Variants in FAM114A2 observed in about 807,000 individuals in gnomAD.
The protein encoded by FAM114A2 is family with sequence similarity 114 member A2, also known as protein FAM114A2.
A neutral mutation model predicts 58.4 loss-of-function variants in FAM114A2; 53 were observed. The observed-to-expected ratio is 0.91, with a 90% CI of 0.73 to 1.14. The LOEUF is 1.14. Ranked by LOEUF, FAM114A2 falls within the 50% of genes most tolerant of loss-of-function variation. The probability of loss-of-function intolerance (pLI) is 0.00; values close to 1 mark genes in which losing one functional copy is unlikely to be tolerated. For missense variants in FAM114A2, 601 were observed against 581.1 expected (o/e 1.03, Z -0.35); for synonymous variants, 228 against 211.4 (o/e 1.08, Z -0.68).
chr5:154,032,992 G>T (rs924129066), intron 4 of FAM114A2, among the ~76,000 whole-genome samples: 1 of 152,186 alleles, frequency 6.6e-6, no homozygotes, highest in African/African-American at 2.4e-5. Context: ...GTCCTTTGCA[G>T]CCATGTTTAT....
chr5:154,027,874 AAAACAAACAAAC>A (rs879922874), intron 6 of FAM114A2, among the ~76,000 whole-genome samples: 2 of 152,112 alleles, frequency 1.3e-5, no homozygotes, highest in African/African-American at 4.8e-5. Flanking sequence ...TTTAAACATT[AAAACAAACAAAC>A]AAACAAACAA....
Position 154,026,537 on chromosome 5 carries a change from G to T in FAM114A2, c.790-15C>A, listed in dbSNP as rs746404334. ...ATAGATTTCACCTGAATGGATACAA[G>T]AACAAAATGTTGTAGGAGTATGAAA... On this transcript the variant is annotated splice_polypyrimidine_tract_variant and intron_variant, in intron 7 of 13. Transcript: ENST00000351797. The T allele has an allele frequency of 6.9e-7, 1 of 1,447,042 alleles. No homozygotes were observed. The highest frequency in any genetic ancestry group is 9.1e-7 in the Non-Finnish European group (1 of 1,093,540). 89.6% of individuals were successfully genotyped at this position (1,447,042 alleles called of 1,614,324 possible).
chr5:154,015,248 T>C (rs921238205), intron 8 of FAM114A2, among the ~76,000 whole-genome samples: 1 of 152,156 alleles, frequency 6.6e-6, no homozygotes, highest in Admixed American at 6.5e-5. Flanking sequence ...CCCTGCTCAC[T>C]GCCTGTTCCT....
chr5:154,022,425 A>G (rs1771482768), intron 8 of FAM114A2, among the ~76,000 whole-genome samples: 1 of 152,228 alleles, frequency 6.6e-6, no homozygotes, highest in African/African-American at 2.4e-5. Context: ...CAAAGAACTT[A>G]AACAAATTTA....
intron 13 of FAM114A2, 68 bp from the exon 14 acceptor site, chr5:153,993,178 CAACAGGGG>C: frequency 7.5e-7 from 1 of 1,324,650 alleles, no homozygotes; most frequent in South Asian, 1.4e-5. Context: ...TACTGTAAGG[CAACAGGGG>C]AACAGATTAA....
chr5:154,031,658 G>A (rs1772212067), intron 4 of FAM114A2, among the ~76,000 whole-genome samples: 1 of 152,082 alleles, frequency 6.6e-6, no homozygotes, highest in African/African-American at 2.4e-5. Flanking sequence ...TCCACTGAGT[G>A]GTACTAGTTA....
At position 154,035,676 on chromosome 5, in the gene FAM114A2, A is replaced by T. The variant is rs549062419; in HGVS notation, c.-14-709T>A. Among the ~76,000 whole-genome samples the T allele has an allele frequency of 4.6e-5, 7 of 152,322 alleles. No individual in the cohort carries two copies. In the East Asian group the frequency reaches 1.2e-3, roughly 25 times the overall value. On this transcript the variant is annotated intron_variant, in intron 1 of 13. Coordinates refer to ENST00000351797, the MANE Select transcript of FAM114A2 (RefSeq NM_018691.4). ...ATGTATAGGTTTTTGGGGGAACATAAGCTATCATTTCTCTGGGGTAAATGA... is the reference window on the plus strand; with the variant it reads ...ATGTATAGGTTTTTGGGGGAACATATGCTATCATTTCTCTGGGGTAAATGA...
chr5:154,020,950 G>C (rs1236526396), intron 8 of FAM114A2, among the ~76,000 whole-genome samples: 1 of 152,118 alleles, frequency 6.6e-6, no homozygotes, highest in Non-Finnish European at 1.5e-5. Context: ...TATCCACCAA[G>C]ATCAAGTTGG....
chr5:154,034,886 T>C lies in FAM114A2; in HGVS notation c.68A>G (p.Asn23Ser). 1.2e-6 allele frequency: 2 copies of C among 1,614,046 alleles called. No homozygotes were observed. The highest frequency in any genetic ancestry group is 1.7e-6 in the Non-Finnish European group (2 of 1,179,910). Residue 23 changes from asparagine to serine, a missense_variant, in exon 2 of 14, where the codon AAC becomes AGC. Asn to Ser is a conservative substitution (Grantham distance 46). Transcript: ENST00000351797. The stretch of plus-strand genomic sequence containing the variant: ...CTCAGAATTCTTGGCTGGCTCACAG[T>C]TTCCATCTTCAAGGATGGGGGCTGC... ...TEAAPILEDG[N>S]CEPAKNSESV...
At chr5:154,028,412 G>T (rs1771952054) in intron 5 of FAM114A2, 129 bp from the exon 6 acceptor site, 2 of 635,068 alleles carry the variant, frequency 3.1e-6, no homozygotes, top group Non-Finnish European at 2.6e-6. Flanking sequence ...TAAAGCAAAT[G>T]AAACAATCAC....
At chr5:154,014,845 C>A (rs1405011146) in intron 8 of FAM114A2, among the ~76,000 whole-genome samples, 1 of 152,180 alleles carries the variant, frequency 6.6e-6, no homozygotes, top group Non-Finnish European at 1.5e-5. Context: ...GTGGACTCCA[C>A]AGGCAGGGGA....
At position 153,994,969 on chromosome 5, in the gene FAM114A2, T is replaced by G. The variant is rs1245344011; in HGVS notation, c.1333A>C (p.Lys445Gln). The change falls in exon 13 of 14, where the codon AAA becomes CAA. Residue 445 changes from lysine (K) to glutamine (Q), a missense_variant. By Grantham distance (53) the Lys-to-Gln change is moderately conservative. Transcript: ENST00000351797. Reference sequence around the variant, plus strand: ...GGGTTAAGGACATCTGCCATTTCTTTGACCTGGAATAACGAATACATTTTT... The same window carrying G: ...GGGTTAAGGACATCTGCCATTTCTTGGACCTGGAATAACGAATACATTTTT... ...FTTCLTTAGVKEMADVLNPLI... is the reference protein window; with the variant it reads ...FTTCLTTAGVQEMADVLNPLI... 1 of 1,605,936 alleles carries G rather than the reference T, an allele frequency of 6.2e-7. No individual in the cohort carries two copies.
chr5:154,006,603 T>C (rs942885142), intron 9 of FAM114A2, among the ~76,000 whole-genome samples: 1 of 151,936 alleles, frequency 6.6e-6, no homozygotes, highest in Admixed American at 6.6e-5. Context: ...CACTGAGAGA[T>C]GAGGCTGGAA....
chr5:153,995,052 A>G lies in FAM114A2; in HGVS notation c.1330-80T>C, dbSNP rs1357306184. ...GGAGTACGATCACACTTTAAAACAC[A>G]CACACACACCCATACATAAATATTA... On this transcript the variant is annotated intron_variant, in intron 12 of 13. Transcript: ENST00000351797. 3 of 848,422 alleles carry G rather than the reference A, an allele frequency of 3.5e-6. No individual in the cohort carries two copies. The African/African-American group carries it at 5.0e-5, about 14-fold the overall frequency. The allele number at this position is 848,422 out of a possible 1,614,324, so 52.6% of individuals were successfully genotyped here.
rs1769685591 is a variant in FAM114A2, at chr5:153,997,865, C to T, written c.1267G>A (p.Val423Met). ...RSQTLSQMTI[V>M]LCKELSSLSK... The stretch of plus-strand genomic sequence containing the variant: ...AGAGAGGACAACTCTTTACACAACA[C>T]AATTGTCATCCTAGGAAAGAAAGGA... The change falls in exon 12 of 14, where the codon GTG (valine) becomes ATG (methionine). Residue 423 changes from valine to methionine, a missense_variant. Coordinates refer to ENST00000351797, the MANE Select transcript of FAM114A2 (RefSeq NM_018691.4). 3 of 1,591,122 alleles carry T rather than the reference C, an allele frequency of 1.9e-6. No homozygotes were observed. Among genetic ancestry groups the T allele is most frequent in the African/African-American group, 1.3e-5 (1 of 74,190 alleles).
Position 154,034,901 on chromosome 5 carries a change from A to AGTTAG in FAM114A2, c.52_53insCTAAC (p.Ile18ThrfsTer31). The AGTTAG allele has an allele frequency of 6.2e-7, 1 of 1,614,028 alleles. No homozygotes were observed. Among genetic ancestry groups the AGTTAG allele is most frequent in the Non-Finnish European group, 8.5e-7 (1 of 1,179,910 alleles). On this transcript the variant is annotated frameshift_variant, in exon 2 of 14. Transcript: ENST00000351797. LOFTEE classifies it high-confidence loss of function. ...TGGCTCACAGTTTCCATCTTCAAGG[A>AGTTAG]TGGGGGCTGCTTCAGTTAGCAGTGG...
intron 9 of FAM114A2, among the ~76,000 whole-genome samples, chr5:154,006,422 C>G (rs140244802): frequency 4.9e-4 from 74 of 152,196 alleles, no homozygotes; most frequent in African/African-American, 1.7e-3. Context: ...TATGTTTCAG[C>G]TGAAATCTGA....
In FAM114A2 at chr5:154,002,376, A is replaced by T. The variant is rs374460608; in HGVS notation, c.1131T>A (p.Phe377Leu). Reference sequence around the variant, plus strand: ...TCAGTTCAGCCAGGCTCCGGATTGCAAACGCATGGATATCCTGGATGGAAA... The same window carrying T: ...TCAGTTCAGCCAGGCTCCGGATTGCTAACGCATGGATATCCTGGATGGAAA... ...NKNSIEDIHAFAIRSLAELTA... is the reference protein window; with the variant it reads ...NKNSIEDIHALAIRSLAELTA... Residue 377 changes from phenylalanine to leucine, a missense_variant, in exon 11 of 14, where the codon TTT becomes TTA. Phe to Leu is a conservative substitution (Grantham distance 22). Coordinates refer to ENST00000351797, the MANE Select transcript of FAM114A2 (RefSeq NM_018691.4). The T allele has an allele frequency of 6.8e-6, 11 of 1,613,870 alleles. No individual in the cohort carries two copies. The highest frequency in any genetic ancestry group is 9.3e-6 in the Non-Finnish European group (11 of 1,179,858).
At chr5:154,022,259 G>A (rs1771468853) in intron 8 of FAM114A2, among the ~76,000 whole-genome samples, 1 of 152,108 alleles carries the variant, frequency 6.6e-6, no homozygotes, top group South Asian at 2.1e-4. Flanking sequence ...CAAAAGCAAT[G>A]GCAACAAAAG....
Sources: allele counts gnomAD v4.1 joint callset (sites outside exome capture counted in the v4.1 genomes callset), GRCh38; gene constraint gnomAD v4.1.1; transcripts MANE v1.5; gene names NCBI Gene and HGNC (gene_info 2026-07-23, HGNC 2026-07-21).